MORN1: variants seen among roughly 807,000 people sequenced by gnomAD.
MORN1 encodes the protein MORN repeat containing 1, also known as MORN repeat-containing protein 1.
MORN1 carries 67 observed loss-of-function variants against 61.9 expected under a neutral mutation model. The observed-to-expected ratio is 1.08, with a 90% confidence interval of 0.89 to 1.33. The LOEUF is 1.33. Among genes scored for constraint, MORN1 ranks in the 40% most tolerant of loss-of-function variants. MORN1 has a pLI of 0.00. For missense variants in MORN1, 752 were observed against 691.2 expected, an observed-to-expected ratio of 1.09 and a Z score of -0.99; for synonymous variants, 301 against 292.0, an observed-to-expected ratio of 1.03 and a Z score of -0.31.
At chr1:2,347,764 CG>C (rs1423906193) in intron 10 of MORN1, among the ~76,000 whole-genome samples, 3 of 152,118 alleles carry the variant, frequency 2.0e-5, no homozygotes, top group African/African-American at 7.2e-5. Context: ...GCTCGGCCCC[CG>C]CTGCCCCCGT....
At chr1:2,384,947 T>C (rs1429138791) in intron 6 of MORN1, 31 bp downstream of exon 6, 2 of 1,523,836 alleles carry the variant, frequency 1.3e-6, no homozygotes, top group South Asian at 1.2e-5. Context: ...CTGTACCCTC[T>C]GGGCAGCAGG....
chr1:2,372,727 C>A lies in MORN1; in HGVS notation c.635-136G>T, dbSNP rs1334347761. 2.4e-5 allele frequency: 15 copies of A among 629,118 alleles called. No individual in the cohort carries two copies. Among genetic ancestry groups the A allele is most frequent in the East Asian group, 1.4e-4 (5 of 35,126 alleles). The allele number at this position is 629,118 out of a possible 1,614,324, so 39.0% of individuals were successfully genotyped here. A position where few individuals can be genotyped will look rare whatever the true frequency, so the allele number is the denominator to read the frequency against. ...GCTGGAACACAAGCACATGCGGGGG[C>A]CGACCCTCCGCAAACCACCTTGCAG... On this transcript the variant is annotated intron_variant, in intron 7 of 13. Coordinates refer to ENST00000378531, the MANE Select transcript of MORN1 (RefSeq NM_024848.3). This position sits in a 1 kb window ranked among gnomAD's most constrained non-coding sequence, Gnocchi z 5.4.
Position 2,372,585 on chromosome 1 carries a change from G to T in MORN1, c.641C>A (p.Ala214Asp), listed in dbSNP as rs773695794. The T allele has an allele frequency of 6.2e-7, 1 of 1,612,956 alleles. No individual in the cohort carries two copies. Among genetic ancestry groups the T allele is most frequent in the African/African-American group, 1.3e-5 (1 of 74,992 alleles). ...CGGACCCAAGATCACGATCCTCGTAGCTTGTTCTGGGAGAGGACAGAGTGT... is the reference window on the plus strand; with the variant it reads ...CGGACCCAAGATCACGATCCTCGTATCTTGTTCTGGGAGAGGACAGAGTGT... ...LWINGHPAEQ[A>D]TRIVILGPEV... The change falls in exon 8 of 14, where the codon GCT becomes GAT. Residue 214 changes from alanine (A) to aspartate (D), a missense_variant. Ala to Asp is a moderately radical substitution (Grantham distance 126, BLOSUM62 -2). Coordinates refer to ENST00000378531, the MANE Select transcript of MORN1 (RefSeq NM_024848.3). This position sits in a 1 kb window ranked among gnomAD's most constrained non-coding sequence, Gnocchi z 5.4.
chr1:2,378,725 C>T (rs1053367005), intron 6 of MORN1: 5 of 359,410 alleles, frequency 1.4e-5, no homozygotes, highest in South Asian at 6.3e-5. Flanking sequence ...CTGTCTGCTC[C>T]GTCTCCCACC....
chr1:2,355,588 G>A (rs953551977), intron 10 of MORN1: 28 of 1,028,094 alleles, frequency 2.7e-5, no homozygotes, highest in South Asian at 1.6e-4. Flanking sequence ...TTCCCAGGGC[G>A]GCCAGGGGCA....
chr1:2,388,140 C>T (rs760418334), intron 3 of MORN1, 99 bp downstream of exon 3: 16 of 928,292 alleles, frequency 1.7e-5, no homozygotes, highest in East Asian at 4.9e-5. Context: ...CAAAGCTTCC[C>T]GTCTACACGT....
chr1:2,379,853 A>C (rs190841294), intron 6 of MORN1, among the ~76,000 whole-genome samples: 51 of 152,272 alleles, frequency 3.3e-4, no homozygotes, highest in African/African-American at 1.2e-3. Context: ...AAAATTAAAA[A>C]CAGAATCACC....
At chr1:2,350,215 A>G (rs1641614713) in intron 10 of MORN1, among the ~76,000 whole-genome samples, 1 of 152,266 alleles carries the variant, frequency 6.6e-6, no homozygotes, top group South Asian at 2.1e-4. Context: ...GGGTGCTGTA[A>G]TTTAACCAAA....
At position 2,333,438 on chromosome 1, in the gene MORN1, G is replaced by T. The variant is rs531140052; in HGVS notation, c.1250+3031C>A. Among the ~76,000 whole-genome samples, 9 of 152,350 alleles carry T rather than the reference G, an allele frequency of 5.9e-5. No homozygotes were observed. In the South Asian group the frequency reaches 1.9e-3, roughly 32 times the overall value. On this transcript the variant is annotated intron_variant, in intron 12 of 13. Coordinates refer to ENST00000378531, the MANE Select transcript of MORN1 (RefSeq NM_024848.3). ...ACAGCTGAGTGCAGTGAGTGGCCTC[G>T]GGCCTGGAGACGCTGGAACAATACA...
At chr1:2,363,320 G>A (rs1330386292) in intron 8 of MORN1, 1 of 152,192 alleles carries the variant, frequency 6.6e-6, no homozygotes, top group Non-Finnish European at 1.5e-5. Context: ...ACTGTGGTAA[G>A]TCAAGATGTA....
Position 2,337,212 on chromosome 1 carries a change from G to A in MORN1, c.1037-362C>T, listed in dbSNP as rs993743157. On this transcript the variant is annotated intron_variant, in intron 10 of 13. Transcript: ENST00000378531. This position sits in a 1 kb window ranked among gnomAD's most constrained non-coding sequence, Gnocchi z 5.7. Reference sequence around the variant, plus strand: ...TAGGGCCGGGACCGGGGCCCTGGCCGGAGAGGCTGGCGCTCAACAGTACAG... The same window carrying A: ...TAGGGCCGGGACCGGGGCCCTGGCCAGAGAGGCTGGCGCTCAACAGTACAG... Among the ~76,000 whole-genome samples the A allele has an allele frequency of 2.0e-5, 3 of 152,216 alleles. No homozygotes were observed. The highest frequency in any genetic ancestry group is 7.2e-5 in the African/African-American group (3 of 41,454).
At chr1:2,336,021 C>A (rs1003924978) in intron 12 of MORN1, among the ~76,000 whole-genome samples, 7 of 152,180 alleles carry the variant, frequency 4.6e-5, no homozygotes, top group African/African-American at 1.7e-4. Context: ...GCCACAAACC[C>A]CCCACGGTGT....
chr1:2,372,337 C>A lies in MORN1; in HGVS notation c.745+144G>T. On this transcript the variant is annotated intron_variant, in intron 8 of 13. Transcript: ENST00000378531. The surrounding 1 kb of genome is among the most constrained non-coding windows in gnomAD (Gnocchi z 5.4). The stretch of plus-strand genomic sequence containing the variant: ...GGCAGGGAAGCTGGCACACCTGCGA[C>A]CTCTCTGCCAGGCTCTGGGCACGAA... 4.7e-6 allele frequency: 3 copies of A among 638,904 alleles called. No individual in the cohort carries two copies. The South Asian group carries it at 5.6e-5, about 12-fold the overall frequency. 39.6% of individuals were successfully genotyped at this position (638,904 alleles called of 1,614,324 possible).
chr1:2,330,958 G>A (rs1641135768), intron 12 of MORN1, among the ~76,000 whole-genome samples: 2 of 152,210 alleles, frequency 1.3e-5, no homozygotes, highest in African/African-American at 4.8e-5. Context: ...GAACCGACAG[G>A]GCTTTGTCCT....
chr1:2,335,688 TGCCTGGCAGGCGG>T (rs1302015243), intron 12 of MORN1, among the ~76,000 whole-genome samples: 16 of 152,270 alleles, frequency 1.1e-4, no homozygotes, highest in Non-Finnish European at 1.6e-4. Flanking sequence ...CAAGAGCGAG[TGCCTGGCAGGCGG>T]GTGGGAGCGG....
intron 6 of MORN1, among the ~76,000 whole-genome samples, chr1:2,383,565 ATGT>A (rs1284694631): frequency 6.6e-6 from 1 of 152,160 alleles, no homozygotes; most frequent in Non-Finnish European, 1.5e-5. Flanking sequence ...ACACAATTAA[ATGT>A]TGCGTTTCTC....
At position 2,336,705 on chromosome 1, in the gene MORN1, G is replaced by A. The variant is rs372689380; in HGVS notation, c.1170+12C>T. ...ATGTGGGGTGGCCTCCCCGCCCCCC[G>A]TGGGCACCCACCTTGTGGAGGCTGT... On this transcript the variant is annotated intron_variant, in intron 11 of 13. Transcript: ENST00000378531. 4.9e-5 allele frequency: 76 copies of A among 1,548,468 alleles called. 1 individual carries two copies. The African/African-American group carries it at 6.7e-4, about 14-fold the overall frequency.
In MORN1 at chr1:2,358,708, G is replaced by A. The variant is rs750048992; in HGVS notation, c.753C>T (p.Ser251=). The A allele has an allele frequency of 3.7e-6, 6 of 1,610,206 alleles. No homozygotes were observed. The highest frequency in any genetic ancestry group is 2.2e-5 in the East Asian group (1 of 44,708). The change falls in exon 9 of 14, where the codon AGC becomes AGT. Residue 251 remains serine (S), a synonymous_variant. Coordinates refer to ENST00000378531, the MANE Select transcript of MORN1 (RefSeq NM_024848.3). ...CCGCTGAGATCTGCAGGACCCGGCC[G>A]CTCTCGCCTTCCAGGAGAGAGGAGC... ...QDHGEIAKSE[S]GRVLQISAGV... is the part of the protein sequence containing the mutation.
intron 1 of MORN1, chr1:2,390,543 G>T (rs935288884): frequency 1.0e-6 from 1 of 985,288 alleles, no homozygotes; most frequent in African/African-American, 1.7e-5. Context: ...TCCAGGAATG[G>T]GCAGGGCTCC....
Sources: gnomAD v4.1 joint callset for allele counts (sites outside exome capture counted in the v4.1 genomes callset) on GRCh38, gnomAD v4.1.1 for gene constraint, Gnocchi (gnomAD v3.1) non-coding constraint, MANE v1.5 for transcripts, NCBI Gene and HGNC (gene_info 2026-07-23, HGNC 2026-07-21) for gene names.